IL31RA: variants seen among roughly 807,000 people sequenced by gnomAD.
IL31RA encodes interleukin-31 receptor subunit alpha.
A neutral mutation model predicts 83.7 loss-of-function variants in IL31RA; 66 were observed. The observed-to-expected ratio is 0.79, with a 90% CI of 0.65 to 0.97. The LOEUF is 0.97. Among genes scored for constraint, IL31RA ranks in the 50% least tolerant of loss-of-function variants. The pLI, the probability that IL31RA is intolerant of heterozygous loss-of-function variation, is 0.00. For synonymous variants in IL31RA, 325 were observed against 329.0 expected, an observed-to-expected ratio of 0.99 and a Z score of 0.13; for missense variants, 798 against 919.4, an observed-to-expected ratio of 0.87 and a Z score of 1.71.
At position 55,883,116 on chromosome 5, in the gene IL31RA, G is replaced by A. The variant is rs765577541; in HGVS notation, c.527G>A (p.Trp176Ter). 6.2e-7 allele frequency: 1 copy of A among 1,613,966 alleles called. No individual in the cohort carries two copies. Among genetic ancestry groups the A allele is most frequent in the Non-Finnish European group, 8.5e-7 (1 of 1,179,858 alleles). Residue 176 changes from tryptophan to a stop codon, truncating the protein, a stop_gained, in exon 5 of 15, where the codon TGG (tryptophan) becomes TAG (stop). Coordinates refer to ENST00000652347, the MANE Select transcript of IL31RA (RefSeq NM_139017.7). LOFTEE classifies it high-confidence loss of function. ...ATCAAACGAATGATTCAAATTGAAT[G>A]GATAAAGCCTGAGTTGGCGCCTGTT... ...LGIKRMIQIE[W>*]IKPELAPVSS...
chr5:55,908,546 C>A, intron 11 of IL31RA, 135 bp downstream of exon 11: 1 of 1,579,294 alleles, frequency 6.3e-7, no homozygotes, highest in Non-Finnish European at 8.6e-7. Flanking sequence ...TTCTTTAAAT[C>A]TCTCTGAAAA....
Position 55,917,189 on chromosome 5 carries a change from T to A in IL31RA, c.*69T>A. On this transcript the variant is annotated 3_prime_UTR_variant, in exon 15 of 15. Coordinates refer to ENST00000652347, the MANE Select transcript of IL31RA (RefSeq NM_139017.7). ...CCCTTGCCAGAGAAGATGTCAAGAC[T>A]CGGCACGCAGCGCTTGCTTGGCCCT... 6.2e-7 allele frequency: 1 copy of A among 1,609,658 alleles called. No homozygotes were observed. Among genetic ancestry groups the A allele is most frequent in the Non-Finnish European group, 8.5e-7 (1 of 1,179,946 alleles).
chr5:55,845,092 T>C, the IL31RA span, among the ~76,000 whole-genome samples: 1 of 152,240 alleles, frequency 6.6e-6, no homozygotes, highest in Non-Finnish European at 1.5e-5. Context: ...TTAACATCCA[T>C]ACCATATCAG....
chr5:55,839,969 G>T, the IL31RA span: 1 of 626,412 alleles, frequency 1.6e-6, no homozygotes, highest in South Asian at 1.7e-5. Context: ...AGCAAGACCA[G>T]GGCAAGCCGT....
At chr5:55,846,058 A>G in the IL31RA span, among the ~76,000 whole-genome samples, 1 of 152,178 alleles carries the variant, frequency 6.6e-6, no homozygotes, top group East Asian at 1.9e-4. Context: ...ATGATAATTC[A>G]GGTTTTCCTA....
At chr5:55,882,252 T>C (rs1218199791) in intron 4 of IL31RA, among the ~76,000 whole-genome samples, 1 of 152,190 alleles carries the variant, frequency 6.6e-6, no homozygotes, top group Non-Finnish European at 1.5e-5. Flanking sequence ...TGTGCGATAA[T>C]AGAACATAAG....
upstream of IL31RA, among the ~76,000 whole-genome samples, chr5:55,846,806 A>G (rs1172543312): frequency 2.0e-5 from 3 of 151,980 alleles, no homozygotes; most frequent in Admixed American, 1.3e-4. Flanking sequence ...AAAAGAATCT[A>G]TATTTTATGA....
chr5:55,871,727 T>C (rs1394385553), intron 3 of IL31RA, among the ~76,000 whole-genome samples: 1 of 152,158 alleles, frequency 6.6e-6, no homozygotes, highest in African/African-American at 2.4e-5. Flanking sequence ...TTTATGTTTA[T>C]GTAACTGTGA....
At chr5:55,912,413 C>T (rs1056078059) in intron 12 of IL31RA, among the ~76,000 whole-genome samples, 3 of 152,208 alleles carry the variant, frequency 2.0e-5, no homozygotes, top group Non-Finnish European at 4.4e-5. Context: ...GTTTCTTCTG[C>T]CTGGAATGCT....
chr5:55,913,659 C>G (rs1205399429), intron 13 of IL31RA, 89 bp downstream of exon 13: 1 of 828,210 alleles, frequency 1.2e-6, no homozygotes, highest in Non-Finnish European at 2.1e-6. Context: ...AGAGGGCACT[C>G]TACCATTAAG....
At chr5:55,858,522 A>T (rs1429162207) in intron 1 of IL31RA, among the ~76,000 whole-genome samples, 1 of 152,114 alleles carries the variant, frequency 6.6e-6, no homozygotes, top group African/African-American at 2.4e-5. Flanking sequence ...TTCGCTAAGG[A>T]TTTCAGTTGG....
rs1748694097 is a variant in IL31RA at position 55,899,812 on chromosome 5, A to G, written c.853-104A>G. 9.1e-6 allele frequency: 7 copies of G among 765,582 alleles called. No homozygotes were observed. In the South Asian group the frequency reaches 1.0e-4, roughly 11 times the overall value. 47.4% of individuals were successfully genotyped at this position (765,582 alleles called of 1,614,324 possible). A position where few individuals can be genotyped will look rare whatever the true frequency, so the allele number is the denominator to read the frequency against. On this transcript the variant is annotated intron_variant, in intron 7 of 14. Transcript: ENST00000652347. Reference sequence around the variant, plus strand: ...TTACCTGATTGTAGTTTAGTATCTAATAGTTAGCCTTATTCCCCACCCTCA... The same window carrying G: ...TTACCTGATTGTAGTTTAGTATCTAGTAGTTAGCCTTATTCCCCACCCTCA...
intron 6 of IL31RA, among the ~76,000 whole-genome samples, chr5:55,895,279 T>C (rs1748261749): frequency 6.6e-6 from 1 of 152,212 alleles, no homozygotes; most frequent in Non-Finnish European, 1.5e-5. Context: ...CTCTCTGCTT[T>C]CCTCTCATGG....
intron 4 of IL31RA, among the ~76,000 whole-genome samples, chr5:55,876,485 T>C (rs1209643814): frequency 6.6e-6 from 1 of 152,218 alleles, no homozygotes; most frequent in African/African-American, 2.4e-5. Context: ...CTTAAACCTT[T>C]TTCACAGATA....
intron 2 of IL31RA, among the ~76,000 whole-genome samples, chr5:55,866,143 A>T (rs578043010): frequency 2.0e-5 from 3 of 152,234 alleles, no homozygotes; most frequent in African/African-American, 7.2e-5. Flanking sequence ...CCTGACTTTG[A>T]GGGCACAGGG....
chr5:55,867,191 G>GTGCA (rs1746167053), intron 2 of IL31RA, among the ~76,000 whole-genome samples: 50 of 119,700 alleles, frequency 4.2e-4, no homozygotes, highest in African/African-American at 1.4e-3. Context: ...ATGTGTGTTT[G>GTGCA]TGTGTGTTTG....
At chr5:55,883,350 C>T (rs1231971943) in intron 5 of IL31RA, among the ~76,000 whole-genome samples, 155 bp downstream of exon 5, 3 of 152,156 alleles carry the variant, frequency 2.0e-5, no homozygotes, top group Non-Finnish European at 2.9e-5. Context: ...TTCCATTTTT[C>T]CATCTGGACC....
chr5:55,884,219 A>C (rs1293517001), intron 5 of IL31RA, among the ~76,000 whole-genome samples: 1 of 152,104 alleles, frequency 6.6e-6, no homozygotes, highest in Non-Finnish European at 1.5e-5. Context: ...AACATCTTTC[A>C]CTATGTGGCA....
chr5:55,906,002 C>T, intron 8 of IL31RA, 104 bp from the exon 9 acceptor site: 1 of 1,171,648 alleles, frequency 8.5e-7, no homozygotes, highest in Admixed American at 1.7e-5. Context: ...AGATCCTGAA[C>T]TTTGGCCTTG....
Sources: allele counts gnomAD v4.1 joint callset (sites outside exome capture counted in the v4.1 genomes callset), GRCh38; gene constraint gnomAD v4.1.1; transcripts MANE v1.5; gene names NCBI Gene and HGNC (gene_info 2026-07-23, HGNC 2026-07-21).